SLC71A2: variants seen among roughly 807,000 people sequenced by gnomAD.
SLC71A2 encodes the protein solute carrier family 71 member 2, also known as hippocampus abundant transcript-like 1.
chr9:94,420,997 A>G, the SLC71A2 span, among the ~76,000 whole-genome samples: 9 of 152,044 alleles, frequency 5.9e-5, no homozygotes, highest in Non-Finnish European at 5.9e-5. Flanking sequence ...AGTTAGAAAA[A>G]CCAGTGGACT....
the SLC71A2 span, among the ~76,000 whole-genome samples, chr9:94,456,840 G>C: frequency 1.3e-5 from 2 of 152,128 alleles, no homozygotes; most frequent in Non-Finnish European, 2.9e-5. Context: ...AATTAAGACT[G>C]CTATGTGGAA....
At chr9:94,383,277 C>G in the SLC71A2 span, among the ~76,000 whole-genome samples, 1 of 150,604 alleles carries the variant, frequency 6.6e-6, no homozygotes, top group Non-Finnish European at 1.5e-5. Flanking sequence ...ATTCTCCTGC[C>G]TCAGCCTCCT....
chr9:94,434,580 G>T, the SLC71A2 span, among the ~76,000 whole-genome samples: 949 of 152,200 alleles, frequency 6.2e-3, 9 homozygotes, highest in African/African-American at 0.021. Flanking sequence ...CTCCCAAAGT[G>T]CTGGGATTAC....
chr9:94,400,509 G>A, the SLC71A2 span, among the ~76,000 whole-genome samples: 71 of 130,048 alleles, frequency 5.5e-4, no homozygotes, highest in Admixed American at 5.5e-4. Context: ...AGTCTTAAAG[G>A]AAAAAAAAAA....
the SLC71A2 span, chr9:94,445,024 GC>G: frequency 6.2e-7 from 1 of 1,614,170 alleles, no homozygotes; most frequent in Non-Finnish European, 8.5e-7. Context: ...ATATCTTTCT[GC>G]CAGTTACGGA....
the SLC71A2 span, among the ~76,000 whole-genome samples, chr9:94,452,155 C>A: frequency 2.3e-4 from 35 of 152,174 alleles, no homozygotes; most frequent in Non-Finnish European, 4.6e-4. Flanking sequence ...TAATCTATCT[C>A]TGGATTGCAA....
the SLC71A2 span, among the ~76,000 whole-genome samples, chr9:94,408,854 C>T: frequency 8.4e-5 from 12 of 143,632 alleles, no homozygotes; most frequent in African/African-American, 2.6e-4. Flanking sequence ...GACGGAGTCT[C>T]GCTCTGTCAC....
chr9:94,423,489 C>G, the SLC71A2 span, among the ~76,000 whole-genome samples: 1 of 152,084 alleles, frequency 6.6e-6, no homozygotes, highest in Non-Finnish European at 1.5e-5. Context: ...CTAGTGGTCA[C>G]CCACCACTAT....
At chr9:94,445,573 C>T in the SLC71A2 span, among the ~76,000 whole-genome samples, 1 of 152,066 alleles carries the variant, frequency 6.6e-6, no homozygotes, top group African/African-American at 2.4e-5. Context: ...TAATTTTGAC[C>T]AGAGACGTTT....
chr9:94,411,683 T>C, the SLC71A2 span, among the ~76,000 whole-genome samples: 2 of 151,776 alleles, frequency 1.3e-5, no homozygotes, highest in Non-Finnish European at 2.9e-5. Context: ...CTCCTCCTCC[T>C]AGGTTCAAGC....
At chr9:94,442,707 G>T in the SLC71A2 span, among the ~76,000 whole-genome samples, 1 of 151,832 alleles carries the variant, frequency 6.6e-6, no homozygotes, top group East Asian at 1.9e-4. Flanking sequence ...AAAATTAGCC[G>T]AGCGTGGTGG....
At chr9:94,422,820 G>A in the SLC71A2 span, among the ~76,000 whole-genome samples, 1 of 151,890 alleles carries the variant, frequency 6.6e-6, no homozygotes, top group African/African-American at 2.4e-5. Context: ...TTTCTTATTT[G>A]TAGGAGTTCT....
chr9:94,432,041 TA>T, the SLC71A2 span, among the ~76,000 whole-genome samples: 5 of 151,410 alleles, frequency 3.3e-5, no homozygotes, highest in African/African-American at 1.2e-4. Flanking sequence ...ACTTTTCAAT[TA>T]AAAAAATAAA....
the SLC71A2 span, chr9:94,459,414 C>T: frequency 6.2e-7 from 1 of 1,613,392 alleles, no homozygotes; most frequent in Admixed American, 1.7e-5. Context: ...GAGCTGTAAA[C>T]TCGGCAGAAA....
At chr9:94,422,935 CTTTT>C in the SLC71A2 span, among the ~76,000 whole-genome samples, 2 of 134,628 alleles carry the variant, frequency 1.5e-5, no homozygotes, top group African/African-American at 2.7e-5. Flanking sequence ...GTCTTTCTTC[CTTTT>C]TTTTTTTTTT....
chr9:94,412,890 T>A, the SLC71A2 span, among the ~76,000 whole-genome samples: 1 of 138,390 alleles, frequency 7.2e-6, no homozygotes, highest in African/African-American at 2.7e-5. Flanking sequence ...TGGGGGGTGA[T>A]AAACATGTTC....
chr9:94,449,690 G>A, the SLC71A2 span, among the ~76,000 whole-genome samples: 2 of 152,148 alleles, frequency 1.3e-5, no homozygotes, highest in African/African-American at 4.8e-5. Flanking sequence ...TCAACATATA[G>A]TTACCATATG....
the SLC71A2 span, among the ~76,000 whole-genome samples, chr9:94,396,993 C>T: frequency 3.6e-4 from 55 of 152,292 alleles, no homozygotes; most frequent in African/African-American, 1.2e-3. Context: ...TGGTTTTGAA[C>T]TCCTGACCTC....
chr9:94,431,292 G>A, the SLC71A2 span, among the ~76,000 whole-genome samples: 18 of 150,066 alleles, frequency 1.2e-4, no homozygotes, highest in East Asian at 3.9e-4. Context: ...CAGCCTGGGC[G>A]ACGGAGCGAG....
Sources: allele counts gnomAD v4.1 joint callset (sites outside exome capture counted in the v4.1 genomes callset), GRCh38; gene constraint gnomAD v4.1.1; transcripts MANE v1.5; gene names NCBI Gene and HGNC (gene_info 2026-07-23, HGNC 2026-07-21).